The following ZFAND3 variants were observed in gnomAD, a reference collection of about 807,000 sequenced individuals.
ZFAND3 encodes the protein AN1-type zinc finger protein 3.
ZFAND3 carries 10 observed loss-of-function variants against 29.6 expected under a neutral mutation model. The ratio of observed to expected loss-of-function variants is 0.34; its 90% CI spans 0.21 to 0.57. The LOEUF is 0.57. ZFAND3 is among the 20% of genes least tolerant of loss of function. The probability of loss-of-function intolerance (pLI) is 0.86; values close to 1 mark genes in which losing one functional copy is unlikely to be tolerated. For missense variants in ZFAND3, 230 were observed against 304.5 expected (o/e 0.76, Z 1.82); for synonymous variants, 128 against 112.6 (o/e 1.14, Z -0.87).
At chr6:37,856,663 GC>G (rs1764389153) in intron 1 of ZFAND3, among the ~76,000 whole-genome samples, 1 of 151,944 alleles carries the variant, frequency 6.6e-6, no homozygotes, top group African/African-American at 2.4e-5. Context: ...TTGATACTGT[GC>G]CTAATACCTT....
chr6:37,864,124 A>G (rs1764542273), intron 1 of ZFAND3, among the ~76,000 whole-genome samples: 1 of 152,142 alleles, frequency 6.6e-6, no homozygotes, highest in Non-Finnish European at 1.5e-5. Context: ...TGAAAATCAG[A>G]GACTGTATAT....
At chr6:37,915,808 T>C (rs1761238471) in intron 1 of ZFAND3, 1 of 152,240 alleles carries the variant, frequency 6.6e-6, no homozygotes, top group African/African-American at 2.4e-5. Context: ...TCACTCTTGT[T>C]GCCCAAGCTG....
chr6:37,869,351 G>A lies in ZFAND3; in HGVS notation c.71+49335G>A, dbSNP rs562485741. 2.0e-5 allele frequency among the ~76,000 whole-genome samples: 3 copies of A among 152,020 alleles called. No homozygotes were observed. In the South Asian group the frequency reaches 6.2e-4, roughly 32 times the overall value. On this transcript the variant is annotated intron_variant, in intron 1 of 5. Coordinates refer to ENST00000287218, the MANE Select transcript of ZFAND3 (RefSeq NM_021943.3). ...TTTCTGTATTTTTAGTAGAGATGGG[G>A]TTTCACCATGTTGGCCAGGCTGGTC... is the stretch of plus-strand genomic sequence containing the variant.
intron 2 of ZFAND3, among the ~76,000 whole-genome samples, chr6:38,003,996 T>A (rs956441418): frequency 6.6e-6 from 1 of 152,180 alleles, no homozygotes; most frequent in Non-Finnish European, 1.5e-5. Flanking sequence ...TTTCTCAGCT[T>A]TTCTCATTAA....
rs570954607 is a variant in ZFAND3, at chr6:37,976,882, G to A, written c.112+46883G>A. 5.3e-5 allele frequency among the ~76,000 whole-genome samples: 8 copies of A among 152,226 alleles called. No individual in the cohort carries two copies. In the South Asian group the frequency reaches 1.2e-3, roughly 24 times the overall value. ...CCAGGTCCCTTCCTGGTGGGGACAC[G>A]TGGGGATTACAATTTTAGATGATAT... On this transcript the variant is annotated intron_variant, in intron 2 of 5. Coordinates refer to ENST00000287218, the MANE Select transcript of ZFAND3 (RefSeq NM_021943.3).
chr6:38,007,118 G>A (rs543000554), intron 2 of ZFAND3, among the ~76,000 whole-genome samples: 11 of 152,192 alleles, frequency 7.2e-5, no homozygotes, highest in African/African-American at 2.6e-4. Context: ...ACATTTAAAA[G>A]GAAAATCATC....
intron 2 of ZFAND3, among the ~76,000 whole-genome samples, chr6:38,023,906 C>G (rs1434228114): frequency 2.0e-5 from 3 of 152,108 alleles, no homozygotes; most frequent in African/African-American, 7.2e-5. Flanking sequence ...GTAGTCCCAG[C>G]TACTCGGGAG....
intron 1 of ZFAND3, among the ~76,000 whole-genome samples, chr6:37,915,070 C>T (rs1345787549): frequency 1.3e-5 from 2 of 152,126 alleles, no homozygotes; most frequent in Non-Finnish European, 2.9e-5. Flanking sequence ...TAACTTGTTC[C>T]AGCTTGTACA....
intron 4 of ZFAND3, among the ~76,000 whole-genome samples, chr6:38,100,473 T>G (rs938853636): frequency 1.3e-5 from 2 of 152,172 alleles, no homozygotes; most frequent in East Asian, 3.8e-4. Context: ...CTTATTGGTG[T>G]TGGAGGAAGT....
intron 2 of ZFAND3, among the ~76,000 whole-genome samples, chr6:38,031,123 G>C (rs747580387): frequency 6.6e-6 from 1 of 152,178 alleles, no homozygotes; most frequent in Non-Finnish European, 1.5e-5. Flanking sequence ...AGGTCTTTCT[G>C]TATCCAAGGT....
intron 5 of ZFAND3, among the ~76,000 whole-genome samples, chr6:38,133,342 C>G (rs1765778659): frequency 2.0e-5 from 3 of 152,166 alleles, no homozygotes; most frequent in Admixed American, 2.0e-4. Context: ...TGTGAGATCC[C>G]TGCGTCTTGC....
intron 4 of ZFAND3, among the ~76,000 whole-genome samples, chr6:38,104,874 G>C (rs1219210308): frequency 6.6e-6 from 1 of 152,190 alleles, no homozygotes; most frequent in African/African-American, 2.4e-5. Context: ...GTAGCAGAAA[G>C]TTGTCTTCGT....
chr6:37,997,977 T>C (rs1762880230), intron 2 of ZFAND3, among the ~76,000 whole-genome samples: 1 of 152,178 alleles, frequency 6.6e-6, no homozygotes. Flanking sequence ...ATATTGAAAT[T>C]TCCTTTGAAA....
chr6:38,088,734 C>A (rs1764805573), intron 4 of ZFAND3, among the ~76,000 whole-genome samples: 1 of 152,118 alleles, frequency 6.6e-6, no homozygotes, highest in Non-Finnish European at 1.5e-5. Flanking sequence ...ATAATATTCT[C>A]TCTGATAGAC....
intron 2 of ZFAND3, among the ~76,000 whole-genome samples, chr6:38,026,278 C>A (rs566495689): frequency 7.0e-4 from 107 of 152,194 alleles, no homozygotes; most frequent in Non-Finnish European, 1.3e-3. Flanking sequence ...AGGTCCAGAA[C>A]TACTCCTTCT....
chr6:37,905,174 G>A (rs1388338537), intron 1 of ZFAND3, among the ~76,000 whole-genome samples: 1 of 151,992 alleles, frequency 6.6e-6, no homozygotes, highest in African/African-American at 2.4e-5. Context: ...CAGTATAGTT[G>A]GACTGGCTTG....
chr6:37,967,332 C>T (rs1762311060), intron 2 of ZFAND3, among the ~76,000 whole-genome samples: 3 of 152,122 alleles, frequency 2.0e-5, no homozygotes, highest in African/African-American at 7.2e-5. Flanking sequence ...TTCAGGCATT[C>T]TATGTCTATT....
At chr6:37,852,204 G>A (rs1764293972) in intron 1 of ZFAND3, among the ~76,000 whole-genome samples, 2 of 152,146 alleles carry the variant, frequency 1.3e-5, no homozygotes, top group Non-Finnish European at 2.9e-5. Context: ...GTTCTCCATG[G>A]GGGTGAGGAG....
intron 1 of ZFAND3, among the ~76,000 whole-genome samples, chr6:37,885,134 T>G (rs1411285508): frequency 2.5e-4 from 38 of 152,048 alleles, no homozygotes. Context: ...CTTTTGGAGC[T>G]TGTATTTGTC....
Sources: gnomAD v4.1 joint callset for allele counts (sites outside exome capture counted in the v4.1 genomes callset) on GRCh38, gnomAD v4.1.1 for gene constraint, MANE v1.5 for transcripts, NCBI Gene and HGNC (gene_info 2026-07-23, HGNC 2026-07-21) for gene names.